Variants in ADAM10 observed in about 807,000 individuals in gnomAD.
The protein encoded by ADAM10 is disintegrin and metalloproteinase domain-containing protein 10.
In ADAM10, 17 loss-of-function variants were observed where a neutral mutation model predicts 90.1. That is an observed-to-expected ratio of 0.19 (90% CI 0.13 to 0.28). ADAM10 has a LOEUF of 0.28. Ranked by LOEUF, ADAM10 falls within the 10% of genes least tolerant of loss-of-function variation. The probability of loss-of-function intolerance (pLI) is 1.00; values close to 1 mark genes in which losing one functional copy is unlikely to be tolerated. For missense variants in ADAM10, 610 were observed against 914.3 expected (o/e 0.67, Z 4.29); for synonymous variants, 310 against 298.6 (o/e 1.04, Z -0.40).
intron 2 of ADAM10, among the ~76,000 whole-genome samples, chr15:58,696,299 C>A (rs1477340157): frequency 4.0e-5 from 6 of 149,380 alleles, no homozygotes; most frequent in South Asian, 2.1e-4. Context: ...AAAACAACAA[C>A]AAAAAAAAAC....
chr15:58,608,100 G>A (rs1895328996), intron 14 of ADAM10, among the ~76,000 whole-genome samples: 2 of 152,132 alleles, frequency 1.3e-5, no homozygotes, highest in South Asian at 4.1e-4. Flanking sequence ...TCAAAACATA[G>A]TTGTCAACAC....
intron 2 of ADAM10, among the ~76,000 whole-genome samples, chr15:58,705,157 CTA>C (rs1324191800): frequency 1.3e-5 from 2 of 152,202 alleles, no homozygotes; most frequent in Non-Finnish European, 2.9e-5. Context: ...CTGTCCACTA[CTA>C]TGTTTCTTTC....
At chr15:58,612,178 T>C (rs571019249) in intron 11 of ADAM10, among the ~76,000 whole-genome samples, 187 bp from the exon 12 acceptor site, 1 of 152,290 alleles carries the variant, frequency 6.6e-6, no homozygotes, top group Admixed American at 6.5e-5. Context: ...ACCGCCCTCC[T>C]GAGTAAACAG....
At chr15:58,676,269 T>C (rs1359063598) in intron 4 of ADAM10, 1 of 455,672 alleles carries the variant, frequency 2.2e-6, no homozygotes, top group Non-Finnish European at 4.4e-6. Flanking sequence ...ACATAAGTTT[T>C]CTAAGCCTCA....
At chr15:58,659,575 T>C (rs1371417045) in intron 5 of ADAM10, among the ~76,000 whole-genome samples, 1 of 152,138 alleles carries the variant, frequency 6.6e-6, no homozygotes, top group Non-Finnish European at 1.5e-5. Flanking sequence ...GCATAATGTG[T>C]TTTTTTATAT....
chr15:58,621,652 T>C (rs764442173), intron 10 of ADAM10, 31 bp from the exon 11 acceptor site: 28 of 1,612,182 alleles, frequency 1.7e-5, no homozygotes, highest in Middle Eastern at 1.6e-4. Context: ...AAAGTAAGCA[T>C]TGTGTGCACA....
intron 5 of ADAM10, among the ~76,000 whole-genome samples, chr15:58,647,027 G>A (rs1229269364): frequency 2.0e-5 from 3 of 151,922 alleles, no homozygotes; most frequent in Non-Finnish European, 4.4e-5. Flanking sequence ...CTTAGACTTC[G>A]AGAAGGTCAA....
intron 5 of ADAM10, among the ~76,000 whole-genome samples, chr15:58,657,780 T>C (rs1280633792): frequency 1.3e-5 from 2 of 152,190 alleles, no homozygotes; most frequent in Non-Finnish European, 2.9e-5. Flanking sequence ...CGTCTGGGCA[T>C]TGAAGAGTTA....
At position 58,739,314 on chromosome 15, in the gene ADAM10, G is replaced by A. The variant is rs1323632003; in HGVS notation, c.55+10166C>T. ...GAGGTCAGGAGATTGAGACCATCCT[G>A]GCTAACATGGTGAAACCCCGTCTCT... On this transcript the variant is annotated intron_variant, in intron 1 of 15. Transcript: ENST00000260408. 4.7e-5 allele frequency among the ~76,000 whole-genome samples: 7 copies of A among 147,848 alleles called. No individual in the cohort carries two copies. The East Asian group carries it at 1.4e-3, about 29-fold the overall frequency.
At chr15:58,664,425 CTT>C (rs1282930436) in intron 5 of ADAM10, among the ~76,000 whole-genome samples, 1 of 152,094 alleles carries the variant, frequency 6.6e-6, no homozygotes, top group Non-Finnish European at 1.5e-5. Context: ...TAAAATCTCA[CTT>C]AACACTAGAA....
chr15:58,656,922 T>C (rs1371079452), intron 5 of ADAM10, among the ~76,000 whole-genome samples: 3 of 152,172 alleles, frequency 2.0e-5, no homozygotes, highest in Admixed American at 1.3e-4. Context: ...CTGGGAAAGT[T>C]TTTATTTCTC....
intron 8 of ADAM10, among the ~76,000 whole-genome samples, chr15:58,635,690 T>C (rs1480817305): frequency 6.6e-6 from 1 of 152,070 alleles, no homozygotes; most frequent in Non-Finnish European, 1.5e-5. Flanking sequence ...TAAATTAATA[T>C]CCTGCCTTAG....
chr15:58,621,354 C>G (rs1895781302), intron 11 of ADAM10, 117 bp downstream of exon 11: 7 of 1,158,086 alleles, frequency 6.0e-6, no homozygotes, highest in South Asian at 4.0e-5. Flanking sequence ...AAACAAACAA[C>G]AGATAAAAGC....
In ADAM10 at chr15:58,593,149, A is replaced by ATTTTTTTTTTTTTTTTTTT. The variant is rs766149223; in HGVS notation, c.*4379_*4397dup. The ATTTTTTTTTTTTTTTTTTT allele has an allele frequency of 1.5e-5, 1 of 68,466 alleles. No individual in the cohort carries two copies. Among genetic ancestry groups the ATTTTTTTTTTTTTTTTTTT allele is most frequent in the Non-Finnish European group, 2.8e-5 (1 of 36,234 alleles). 4.2% of individuals were successfully genotyped at this position (68,466 alleles called of 1,614,324 possible). A position where few individuals can be genotyped will look rare whatever the true frequency, so the allele number is the denominator to read the frequency against. ...AAAGTAACAAAGGCCAGGTACTCAAATTTTTTTTTTTTTTTTTTTTTTTTT... is the reference window on the plus strand; with the variant it reads ...AAAGTAACAAAGGCCAGGTACTCAAATTTTTTTTTTTTTTTTTTTTTTTTTTTTTTTTTTTTTTTTTTTT... On this transcript the variant is annotated 3_prime_UTR_variant, in exon 16 of 16. Coordinates refer to ENST00000260408, the MANE Select transcript of ADAM10 (RefSeq NM_001110.4).
At chr15:58,642,721 T>C (rs1419102456) in intron 7 of ADAM10, among the ~76,000 whole-genome samples, 2 of 152,190 alleles carry the variant, frequency 1.3e-5, no homozygotes, top group Non-Finnish European at 2.9e-5. Context: ...CTCTCTACTT[T>C]TCATTACTTG....
chr15:58,731,087 T>C (rs1899220581), intron 1 of ADAM10, among the ~76,000 whole-genome samples: 1 of 152,198 alleles, frequency 6.6e-6, no homozygotes, highest in Non-Finnish European at 1.5e-5. Context: ...ATGTATATCC[T>C]ATTGGTTCTG....
intron 7 of ADAM10, among the ~76,000 whole-genome samples, chr15:58,641,748 C>G (rs924856352): frequency 1.3e-5 from 2 of 152,152 alleles, no homozygotes; most frequent in Non-Finnish European, 2.9e-5. Flanking sequence ...AGTCCTAGAA[C>G]GATTTGGCTT....
chr15:58,723,365 G>A (rs1217352734), intron 1 of ADAM10, among the ~76,000 whole-genome samples: 1 of 151,964 alleles, frequency 6.6e-6, no homozygotes, highest in Non-Finnish European at 1.5e-5. Context: ...AAAATACACT[G>A]GTCTCAGAGG....
At chr15:58,659,959 A>C (rs1896928737) in intron 5 of ADAM10, among the ~76,000 whole-genome samples, 2 of 152,100 alleles carry the variant, frequency 1.3e-5, no homozygotes, top group Non-Finnish European at 2.9e-5. Context: ...CGATCTCCTG[A>C]TCTTGTGATC....
Sources: gnomAD v4.1 joint callset for allele counts (sites outside exome capture counted in the v4.1 genomes callset) on GRCh38, gnomAD v4.1.1 for gene constraint, MANE v1.5 for transcripts, NCBI Gene and HGNC (gene_info 2026-07-23, HGNC 2026-07-21) for gene names.